TTC6: variants seen among roughly 807,000 people sequenced by gnomAD.
TTC6 encodes the protein tetratricopeptide repeat domain 6.
Under a neutral mutation model 210.4 loss-of-function variants are expected in TTC6, and 172 were observed. The observed-to-expected ratio is 0.82, with a 90% confidence interval of 0.72 to 0.93. The LOEUF is 0.93. Ranked by LOEUF, TTC6 falls within the 40% of genes least tolerant of loss-of-function variation. The pLI, the probability that TTC6 is intolerant of heterozygous loss-of-function variation, is 0.00. For missense variants in TTC6, 2,414 were observed against 2,318.1 expected (o/e 1.04, Z -0.85); for synonymous variants, 804 against 819.6 (o/e 0.98, Z 0.32).
At chr14:37,792,671 T>A (rs184766912) in intron 17 of TTC6, among the ~76,000 whole-genome samples, 1 of 152,140 alleles carries the variant, frequency 6.6e-6, no homozygotes, top group East Asian at 1.9e-4. Context: ...TATATACTTA[T>A]TGCAGGTAAT....
chr14:37,747,854 A>G (rs1462832363), intron 10 of TTC6, among the ~76,000 whole-genome samples: 1 of 152,234 alleles, frequency 6.6e-6, no homozygotes, highest in Non-Finnish European at 1.5e-5. Context: ...AGGGCTGAAA[A>G]GGGCAATGGC....
At chr14:37,655,605 C>G (rs2095720917) in intron 1 of TTC6, among the ~76,000 whole-genome samples, 1 of 152,044 alleles carries the variant, frequency 6.6e-6, no homozygotes, top group Non-Finnish European at 1.5e-5. Context: ...TTTTATTTTC[C>G]TAACAGCTCC....
At chr14:37,774,776 CT>C (rs1276930213) in intron 14 of TTC6, among the ~76,000 whole-genome samples, 2 of 152,158 alleles carry the variant, frequency 1.3e-5, no homozygotes, top group African/African-American at 2.4e-5. Context: ...GAGGCTTCTC[CT>C]CTTCAATATT....
At chr14:37,841,256 G>C (rs2096209430) in intron 29 of TTC6, among the ~76,000 whole-genome samples, 189 bp from the exon 32 acceptor site, 1 of 152,150 alleles carries the variant, frequency 6.6e-6, no homozygotes, top group African/African-American at 2.4e-5. Context: ...CAAAAAGCAG[G>C]TCAACTTTTG....
chr14:37,840,890 A>G (rs1239429882), intron 29 of TTC6, among the ~76,000 whole-genome samples: 6 of 133,276 alleles, frequency 4.5e-5, no homozygotes, highest in Non-Finnish European at 9.4e-5. Flanking sequence ...TTTTTTTGAG[A>G]TGGAGTCTTG....
chr14:37,748,179 A>G (rs918798470), intron 10 of TTC6, among the ~76,000 whole-genome samples: 1 of 152,238 alleles, frequency 6.6e-6, no homozygotes, highest in African/African-American at 2.4e-5. Flanking sequence ...GAATGTGGAA[A>G]GGAATAGATA....
At chr14:37,771,790 T>C (rs1021635278) in intron 14 of TTC6, among the ~76,000 whole-genome samples, 1 of 152,208 alleles carries the variant, frequency 6.6e-6, no homozygotes, top group Non-Finnish European at 1.5e-5. Context: ...GTCTGAAGCC[T>C]TCTTCTCTCA....
intron 6 of TTC6, among the ~76,000 whole-genome samples, chr14:37,720,134 C>G (rs905860567): frequency 2.6e-5 from 4 of 152,026 alleles, no homozygotes; most frequent in African/African-American, 9.7e-5. Context: ...TTAAAACCAC[C>G]ATAAGATATT....
At chr14:37,814,347 GC>G (rs1327776066) in intron 25 of TTC6, among the ~76,000 whole-genome samples, 1 of 152,066 alleles carries the variant, frequency 6.6e-6, no homozygotes, top group Non-Finnish European at 1.5e-5. Flanking sequence ...TATGATTCAT[GC>G]CCTTGTTTCA....
intron 1 of TTC6, among the ~76,000 whole-genome samples, chr14:37,641,570 A>G (rs558967892): frequency 1.3e-5 from 2 of 152,326 alleles, no homozygotes; most frequent in South Asian, 4.1e-4. Flanking sequence ...TAGTCTCACC[A>G]CAGTGAAGAG....
chr14:37,745,240 A>G (rs2095932454), intron 10 of TTC6, among the ~76,000 whole-genome samples: 1 of 152,236 alleles, frequency 6.6e-6, no homozygotes, highest in Non-Finnish European at 1.5e-5. Context: ...ATCTGGAACT[A>G]AAGCTGTAAT....
At chr14:37,649,900 T>C (rs2095708109) in intron 1 of TTC6, among the ~76,000 whole-genome samples, 1 of 152,236 alleles carries the variant, frequency 6.6e-6, no homozygotes, top group African/African-American at 2.4e-5. Context: ...GAAACCCTTA[T>C]GGAGTTTAGG....
intron 29 of TTC6, chr14:37,827,731 TAATAAACATATCTATCAGCACCAAA>T (rs1420222434): frequency 1.9e-5 from 3 of 160,808 alleles, no homozygotes; most frequent in Non-Finnish European, 4.1e-5. Flanking sequence ...ACAATAAAGG[TAATAAACATATCTATCAGCACCAAA>T]AGTTTTCTCA....
chr14:37,606,640 C>A (rs2095625707), intron 1 of TTC6, 23 bp from the exon 2 acceptor site: 1 of 775,204 alleles, frequency 1.3e-6, no homozygotes, highest in African/African-American at 1.9e-5. Context: ...CCTTTAATCC[C>A]ACCTTCAAAT....
At chr14:37,727,440 C>G (rs905839883) in intron 7 of TTC6, among the ~76,000 whole-genome samples, 1 of 151,522 alleles carries the variant, frequency 6.6e-6, no homozygotes, top group Non-Finnish European at 1.5e-5. Context: ...ACTACAGGCG[C>G]ACACCACCAT....
At chr14:37,697,194 T>A (rs779693688) in intron 4 of TTC6, among the ~76,000 whole-genome samples, 9 of 152,102 alleles carry the variant, frequency 5.9e-5, no homozygotes, top group Non-Finnish European at 8.8e-5. Context: ...TTAATTTTTT[T>A]ATGATAAAAT....
At chr14:37,744,272 C>G (rs1173140537) in intron 10 of TTC6, among the ~76,000 whole-genome samples, 1 of 152,192 alleles carries the variant, frequency 6.6e-6, no homozygotes, top group Non-Finnish European at 1.5e-5. Flanking sequence ...GGCAAACTCC[C>G]TGTCCTCATA....
intron 1 of TTC6, among the ~76,000 whole-genome samples, chr14:37,669,593 A>G (rs2095754574): frequency 6.6e-6 from 1 of 152,150 alleles, no homozygotes; most frequent in Non-Finnish European, 1.5e-5. Flanking sequence ...TTATCTACAC[A>G]TCAATATATA....
At chr14:37,774,711 T>A (rs1427208647) in intron 14 of TTC6, among the ~76,000 whole-genome samples, 1 of 152,142 alleles carries the variant, frequency 6.6e-6, no homozygotes, top group African/African-American at 2.4e-5. Flanking sequence ...TTTGTGTTTG[T>A]CTCTCACAGG....
Sources: allele counts gnomAD v4.1 joint callset (sites outside exome capture counted in the v4.1 genomes callset), GRCh38; gene constraint gnomAD v4.1.1; transcripts MANE v1.5; gene names NCBI Gene and HGNC (gene_info 2026-07-23, HGNC 2026-07-21).